PCDHGB4: variants seen among roughly 807,000 people sequenced by gnomAD.
PCDHGB4 encodes the protein protocadherin gamma-B4.
Under a neutral mutation model 60.5 loss-of-function variants are expected in PCDHGB4, and 38 were observed. The ratio of observed to expected loss-of-function variants is 0.63; its 90% confidence interval spans 0.48 to 0.82. PCDHGB4 has a LOEUF of 0.82. Ranked by LOEUF, PCDHGB4 falls within the 40% of genes least tolerant of loss-of-function variation. The pLI is 0.00. For synonymous variants in PCDHGB4, 456 were observed against 509.7 expected, an observed-to-expected ratio of 0.89 and a Z score of 1.42; for missense variants, 1,109 against 1,209.6, an observed-to-expected ratio of 0.92 and a Z score of 1.23.
intron 1 of PCDHGB4, chr5:141,405,103 G>T (rs368202826): frequency 3.1e-6 from 5 of 1,613,804 alleles, no homozygotes; most frequent in Non-Finnish European, 4.2e-6. Flanking sequence ...TCAGGCTGAG[G>T]CACTGGCACT....
In PCDHGB4 at chr5:141,489,353, A is replaced by G. The variant is rs1423278514; in HGVS notation, c.2398-5454A>G. 3.7e-6 allele frequency: 6 copies of G among 1,612,316 alleles called. No homozygotes were observed. In the African/African-American group the frequency reaches 6.7e-5, roughly 18 times the overall value. ...CAGCTTCGTTACTCAGTGGTGGAGG[A>G]GTCTGAGCCGGGGACGCTGGTGGGG... On this transcript the variant is annotated intron_variant, in intron 1 of 3. Transcript: ENST00000519479. This position sits in a 1 kb window ranked among gnomAD's most constrained non-coding sequence, Gnocchi z 4.5.
chr5:141,511,411 A>T lies in PCDHGB4; in HGVS notation c.*238A>T. On this transcript the variant is annotated 3_prime_UTR_variant, in exon 4 of 4. Transcript: ENST00000519479. ...GAACCCCCATCCAATCAACTGCTGTACCCATGGGGGTAGTGGGGTTACTGT... is the reference window on the plus strand; with the variant it reads ...GAACCCCCATCCAATCAACTGCTGTTCCCATGGGGGTAGTGGGGTTACTGT... 1.1e-6 allele frequency: 1 copy of T among 901,334 alleles called. No individual in the cohort carries two copies. Among genetic ancestry groups the T allele is most frequent in the Non-Finnish European group, 1.6e-6 (1 of 617,750 alleles). 55.8% of individuals were successfully genotyped at this position (901,334 alleles called of 1,614,324 possible).
chr5:141,403,753 C>T lies in PCDHGB4; in HGVS notation c.2397+13472C>T, dbSNP rs767515334. 1.5e-5 allele frequency: 25 copies of T among 1,613,504 alleles called. No homozygotes were observed. In the South Asian group the frequency reaches 2.6e-4, roughly 17 times the overall value. On this transcript the variant is annotated intron_variant, in intron 1 of 3. Transcript: ENST00000519479. ...CCTGGCTGCTTACTGCAACAGCCAG[C>T]GACCTGGATGAGGGAATCAACGGAA...
chr5:141,427,391 A>G (rs942653386), intron 1 of PCDHGB4: 3 of 459,818 alleles, frequency 6.5e-6, no homozygotes, highest in Non-Finnish European at 1.3e-5. Context: ...TGTTCAAAAC[A>G]CATGATAAAG....
At chr5:141,492,244 C>T (rs1334647731) in intron 1 of PCDHGB4, among the ~76,000 whole-genome samples, 1 of 152,198 alleles carries the variant, frequency 6.6e-6, no homozygotes, top group Admixed American at 6.5e-5. Flanking sequence ...TGGCCACCCC[C>T]ACGGCCCACA....
At chr5:141,454,721 A>G (rs2098797156) in intron 1 of PCDHGB4, among the ~76,000 whole-genome samples, 1 of 146,810 alleles carries the variant, frequency 6.8e-6, no homozygotes, top group South Asian at 2.2e-4. Flanking sequence ...ATTCCATATT[A>G]TATGTTATAG....
chr5:141,423,484 A>G, intron 1 of PCDHGB4: 1 of 1,613,722 alleles, frequency 6.2e-7, no homozygotes, highest in Non-Finnish European at 8.5e-7. Flanking sequence ...TTTCCTGCAA[A>G]CCTATTCCCA....
Position 141,477,650 on chromosome 5 carries a change from A to C in PCDHGB4, c.2398-17157A>C. The C allele has an allele frequency of 6.2e-7, 1 of 1,614,210 alleles. No homozygotes were observed. Among genetic ancestry groups the C allele is most frequent in the Non-Finnish European group, 8.5e-7 (1 of 1,180,036 alleles). On this transcript the variant is annotated intron_variant, in intron 1 of 3. Coordinates refer to ENST00000519479, the MANE Select transcript of PCDHGB4 (RefSeq NM_003736.4). The surrounding 1 kb of genome is among the most constrained non-coding windows in gnomAD (Gnocchi z 4.9). The stretch of plus-strand genomic sequence containing the variant: ...CGGGCTAGTGGGTCGCTATTTCACA[A>C]TAAATCGTGACAATGGCATAGTGTC...
chr5:141,487,670 T>A lies in PCDHGB4; in HGVS notation c.2398-7137T>A. The A allele has an allele frequency of 6.2e-7, 1 of 1,612,302 alleles. No homozygotes were observed. Among genetic ancestry groups the A allele is most frequent in the Non-Finnish European group, 8.5e-7 (1 of 1,179,082 alleles). ...TGAGGGTTATTCTGATCCAGGCATA[T>A]GGCTAGGCCATGTCCTAGAGAGTAC... On this transcript the variant is annotated intron_variant, in intron 1 of 3. Transcript: ENST00000519479. This position sits in a 1 kb window ranked among gnomAD's most constrained non-coding sequence, Gnocchi z 5.0.
rs759576434 is a variant in PCDHGB4 at position 141,432,109 on chromosome 5, G to C, written c.2397+41828G>C. Reference sequence around the variant, plus strand: ...TGGCAGACACCAACGACAACCCGCCGGTCTTCCCTCAGGCCTCCTATTCCG... The same window carrying C: ...TGGCAGACACCAACGACAACCCGCCCGTCTTCCCTCAGGCCTCCTATTCCG... On this transcript the variant is annotated intron_variant, in intron 1 of 3. Transcript: ENST00000519479. The surrounding 1 kb of genome is among the most constrained non-coding windows in gnomAD (Gnocchi z 6.0). 9 of 1,613,972 alleles carry C rather than the reference G, an allele frequency of 5.6e-6. No homozygotes were observed. In the African/African-American group the frequency reaches 9.3e-5, roughly 17 times the overall value.
chr5:141,491,709 C>T lies in PCDHGB4; in HGVS notation c.2398-3098C>T, dbSNP rs2099725685. On this transcript the variant is annotated intron_variant, in intron 1 of 3. Coordinates refer to ENST00000519479, the MANE Select transcript of PCDHGB4 (RefSeq NM_003736.4). The surrounding 1 kb of genome is among the most constrained non-coding windows in gnomAD (Gnocchi z 6.9). The stretch of plus-strand genomic sequence containing the variant: ...TGCGGGAGCGGAGCCAGGTGAGGGG[C>T]TCGGCGCCGCCCCGGGCGACCCCTG... 6.2e-7 allele frequency: 1 copy of T among 1,610,156 alleles called. No homozygotes were observed. Among genetic ancestry groups the T allele is most frequent in the Non-Finnish European group, 8.5e-7 (1 of 1,178,376 alleles).
chr5:141,393,964 G>C, intron 1 of PCDHGB4: 1 of 1,613,870 alleles, frequency 6.2e-7, no homozygotes, highest in Middle Eastern at 1.6e-4. Flanking sequence ...CAAGTTGTCT[G>C]TTACACACGT....
chr5:141,489,073 C>A lies in PCDHGB4; in HGVS notation c.2398-5734C>A, dbSNP rs2099681983. 3.2e-6 allele frequency: 1 copy of A among 315,630 alleles called. No individual in the cohort carries two copies. The highest frequency in any genetic ancestry group is 5.7e-6 in the Non-Finnish European group (1 of 173,976). 19.6% of individuals were successfully genotyped at this position (315,630 alleles called of 1,614,324 possible). A position where few individuals can be genotyped will look rare whatever the true frequency, so the allele number is the denominator to read the frequency against. ...ATTCAGCTCCCCTCCCCCCTGCCCA[C>A]CCCCGCCACTCGGTGACTAAGAACT... On this transcript the variant is annotated intron_variant, in intron 1 of 3. Coordinates refer to ENST00000519479, the MANE Select transcript of PCDHGB4 (RefSeq NM_003736.4). The surrounding 1 kb of genome is among the most constrained non-coding windows in gnomAD (Gnocchi z 4.5).
At chr5:141,394,948 T>C (rs753376472) in intron 1 of PCDHGB4, 1 of 1,613,884 alleles carries the variant, frequency 6.2e-7, no homozygotes, top group Admixed American at 1.7e-5. Context: ...GCTGTGCTTC[T>C]GGGGCTCAGG....
At chr5:141,404,147 G>C in intron 1 of PCDHGB4, 1 of 1,612,990 alleles carries the variant, frequency 6.2e-7, no homozygotes, top group African/African-American at 1.3e-5. Context: ...AAATTCAGAA[G>C]AAGATTATTA....
chr5:141,404,828 G>T, intron 1 of PCDHGB4: 1 of 1,609,938 alleles, frequency 6.2e-7, no homozygotes, highest in Non-Finnish European at 8.5e-7. Flanking sequence ...CACAGGTGAA[G>T]TGCGCACAGC....
rs553772792 is a variant in PCDHGB4, at chr5:141,444,542, G to A, written c.2398-50265G>A. ...AGGTGAGACAGTGACTGTGTCTAGT[G>A]AGCAAAAGGCACTTATTTGACACTT... On this transcript the variant is annotated intron_variant, in intron 1 of 3. Coordinates refer to ENST00000519479, the MANE Select transcript of PCDHGB4 (RefSeq NM_003736.4). 3.3e-5 allele frequency among the ~76,000 whole-genome samples: 5 copies of A among 152,156 alleles called. No individual in the cohort carries two copies. The East Asian group carries it at 7.7e-4, about 24-fold the overall frequency.
intron 1 of PCDHGB4, chr5:141,478,282 G>A: frequency 6.2e-7 from 1 of 1,614,184 alleles, no homozygotes; most frequent in Non-Finnish European, 8.5e-7. Flanking sequence ...AGTGGAAGCA[G>A]TCTAGAGACC....
In PCDHGB4 at chr5:141,485,713, G is replaced by A. The variant is rs769162337; in HGVS notation, c.2398-9094G>A. The stretch of plus-strand genomic sequence containing the variant: ...TGAGCTCCAATGAACACTTTGCACT[G>A]GATGTGAAGAAGCGCAGCGACGGCA... On this transcript the variant is annotated intron_variant, in intron 1 of 3. Transcript: ENST00000519479. The surrounding 1 kb of genome is among the most constrained non-coding windows in gnomAD (Gnocchi z 5.7). 2 of 1,614,084 alleles carry A rather than the reference G, an allele frequency of 1.2e-6. No homozygotes were observed. The highest frequency in any genetic ancestry group is 1.3e-5 in the African/African-American group (1 of 74,942).
Sources: allele counts gnomAD v4.1 joint callset (sites outside exome capture counted in the v4.1 genomes callset), GRCh38; gene constraint gnomAD v4.1.1; non-coding constraint Gnocchi (gnomAD v3.1); transcripts MANE v1.5; gene names NCBI Gene and HGNC (gene_info 2026-07-23, HGNC 2026-07-21).